The following FAM193A variants were observed in gnomAD, a reference collection of about 807,000 sequenced individuals.
The protein encoded by FAM193A is protein FAM193A.
FAM193A carries 22 observed loss-of-function variants against 126.5 expected under a neutral mutation model. The observed-to-expected ratio is 0.17, with a 90% CI of 0.12 to 0.25. FAM193A has a LOEUF of 0.25. FAM193A is among the 10% of genes least tolerant of loss of function. The pLI is 1.00. For missense variants in FAM193A, 1,675 were observed against 1,672.8 expected (o/e 1.00, Z -0.02); for synonymous variants, 761 against 646.8 (o/e 1.18, Z -2.68).
chr4:2,570,349 A>G (rs1371820304), intron 1 of FAM193A, among the ~76,000 whole-genome samples: 2 of 152,166 alleles, frequency 1.3e-5, no homozygotes, highest in Non-Finnish European at 2.9e-5. Context: ...TGGATTTGGT[A>G]ACCCTAACTC....
chr4:2,602,519 A>G lies in FAM193A; in HGVS notation c.501+6190A>G, dbSNP rs1413920673. On this transcript the variant is annotated intron_variant, in intron 2 of 20. Coordinates refer to ENST00000637812, the MANE Select transcript of FAM193A (RefSeq NM_001366318.2). ...CAGGCACGTGCCATCAACCCAGCTA[A>G]TTTTTGCATTTTTAGTACAGATGGG... Among the ~76,000 whole-genome samples, 12 of 151,502 alleles carry G rather than the reference A, an allele frequency of 7.9e-5. No homozygotes were observed. In the East Asian group the frequency reaches 2.3e-3, roughly 30 times the overall value.
chr4:2,560,140 G>A (rs1317155232), intron 1 of FAM193A, among the ~76,000 whole-genome samples: 3 of 151,882 alleles, frequency 2.0e-5, no homozygotes, highest in African/African-American at 4.8e-5. Context: ...ATGGGGTTTC[G>A]CCATGCTGGC....
intron 4 of FAM193A, among the ~76,000 whole-genome samples, chr4:2,629,182 T>C (rs1181754251): frequency 6.6e-6 from 1 of 151,072 alleles, no homozygotes; most frequent in East Asian, 1.9e-4. Context: ...AAGTATCACA[T>C]GGTTATTTCC....
At chr4:2,630,578 C>T (rs1257125047) in intron 4 of FAM193A, among the ~76,000 whole-genome samples, 1 of 152,206 alleles carries the variant, frequency 6.6e-6, no homozygotes, top group Non-Finnish European at 1.5e-5. Flanking sequence ...GTAGCGTGCT[C>T]TTCCAGCTGT....
At chr4:2,689,133 C>CTTAT (rs1284660205) in intron 13 of FAM193A, among the ~76,000 whole-genome samples, 21 of 152,352 alleles carry the variant, frequency 1.4e-4, no homozygotes, top group Non-Finnish European at 2.6e-4. Context: ...CCAAAGTTGA[C>CTTAT]TTATTAGTGA....
At chr4:2,554,612 C>A (rs910809913) in intron 1 of FAM193A, among the ~76,000 whole-genome samples, 3 of 151,808 alleles carry the variant, frequency 2.0e-5, no homozygotes, top group African/African-American at 7.3e-5. Context: ...TGGTTTTGTT[C>A]GCTTCTGTAT....
intron 19 of FAM193A, among the ~76,000 whole-genome samples, chr4:2,707,774 G>A (rs1372533926): frequency 5.4e-5 from 8 of 148,658 alleles, no homozygotes; most frequent in South Asian, 2.1e-4. Flanking sequence ...GTGCAGTGGC[G>A]CAATCTCGGC....
intron 20 of FAM193A, among the ~76,000 whole-genome samples, chr4:2,717,754 GAAA>G (rs33968148): frequency 4.0e-3 from 551 of 137,138 alleles, no homozygotes; most frequent in African/African-American, 9.2e-3. Flanking sequence ...GACCCTGTCT[GAAA>G]AAAAAAAAAA....
chr4:2,648,695 C>T (rs957628122), intron 7 of FAM193A, among the ~76,000 whole-genome samples: 1 of 152,194 alleles, frequency 6.6e-6, no homozygotes. Context: ...GCAGAGAGGG[C>T]GCTGAAAGCT....
intron 1 of FAM193A, among the ~76,000 whole-genome samples, chr4:2,569,948 G>C (rs1044899887): frequency 6.6e-6 from 1 of 152,082 alleles, no homozygotes; most frequent in Non-Finnish European, 1.5e-5. Context: ...AAATTGTTGA[G>C]GGGGACCATA....
At chr4:2,644,306 G>A (rs940449382) in intron 6 of FAM193A, among the ~76,000 whole-genome samples, 5 of 152,230 alleles carry the variant, frequency 3.3e-5, no homozygotes, top group Admixed American at 2.6e-4. Context: ...CAGGAGGAGC[G>A]GGACAAGGAA....
intron 2 of FAM193A, among the ~76,000 whole-genome samples, chr4:2,619,023 C>T (rs1347545114): frequency 1.3e-5 from 2 of 152,066 alleles, no homozygotes; most frequent in East Asian, 1.9e-4. Flanking sequence ...TGAGCCATCG[C>T]GTCTGGGCTG....
intron 1 of FAM193A, among the ~76,000 whole-genome samples, chr4:2,591,453 A>G (rs755206839): frequency 6.6e-6 from 1 of 152,074 alleles, no homozygotes; most frequent in Admixed American, 6.5e-5. Context: ...CAGGAGATGG[A>G]GGGCATGTGG....
At chr4:2,731,196 CAAAAAA>C (rs546217602) in intron 20 of FAM193A, among the ~76,000 whole-genome samples, 7 of 86,868 alleles carry the variant, frequency 8.1e-5, no homozygotes, top group African/African-American at 1.2e-4. Flanking sequence ...AACTCCTTCT[CAAAAAA>C]AAAAAAAAAA....
intron 12 of FAM193A, among the ~76,000 whole-genome samples, chr4:2,664,932 A>G (rs1401978309): frequency 6.6e-6 from 1 of 152,092 alleles, no homozygotes; most frequent in Non-Finnish European, 1.5e-5. Flanking sequence ...TTTAGGATCT[A>G]CTTGTCAACT....
At chr4:2,548,025 C>T (rs1024706644) in intron 1 of FAM193A, among the ~76,000 whole-genome samples, 9 of 151,486 alleles carry the variant, frequency 5.9e-5, no homozygotes, top group Non-Finnish European at 8.8e-5. Context: ...GTTTATTTGC[C>T]ATTCCTGTAT....
At chr4:2,671,480 CAG>C (rs556751741) in intron 12 of FAM193A, among the ~76,000 whole-genome samples, 9 of 152,330 alleles carry the variant, frequency 5.9e-5, no homozygotes, top group South Asian at 2.1e-4. Context: ...CCGACCGAGT[CAG>C]GGGTGGAGTA....
chr4:2,706,851 G>A (rs1244263901), intron 19 of FAM193A, among the ~76,000 whole-genome samples: 1 of 151,338 alleles, frequency 6.6e-6, no homozygotes, highest in East Asian at 1.9e-4. Context: ...TGTTGGGGCC[G>A]GGCTCACACC....
intron 1 of FAM193A, among the ~76,000 whole-genome samples, chr4:2,590,307 T>G (rs1243745138): frequency 6.7e-6 from 1 of 150,244 alleles, no homozygotes; most frequent in Non-Finnish European, 1.5e-5. Context: ...CCGTCTCTAC[T>G]AACAACGCCT....
Sources: allele counts gnomAD v4.1 joint callset (sites outside exome capture counted in the v4.1 genomes callset), GRCh38; gene constraint gnomAD v4.1.1; transcripts MANE v1.5; gene names NCBI Gene and HGNC (gene_info 2026-07-23, HGNC 2026-07-21).